RBM6: variants seen among roughly 807,000 people sequenced by gnomAD.
RBM6 encodes RNA binding motif protein 6.
RBM6 carries 23 observed loss-of-function variants against 140.4 expected under a neutral mutation model. That is an observed-to-expected ratio of 0.16 (90% CI 0.12 to 0.23). The LOEUF is 0.23. RBM6 is among the 10% of genes least tolerant of loss of function. The pLI, the probability that RBM6 is intolerant of heterozygous loss-of-function variation, is 1.00. For missense variants in RBM6, 1,139 were observed against 1,386.7 expected (o/e 0.82, Z 2.84); for synonymous variants, 439 against 475.6 (o/e 0.92, Z 1.00).
intron 5 of RBM6, among the ~76,000 whole-genome samples, chr3:49,997,750 T>C (rs1227289951): frequency 1.3e-5 from 2 of 152,228 alleles, no homozygotes; most frequent in Non-Finnish European, 2.9e-5. Flanking sequence ...CCCAAGAATA[T>C]TCAGAGCTGT....
chr3:50,074,068 A>G (rs1385637638), intron 19 of RBM6, among the ~76,000 whole-genome samples: 1 of 152,068 alleles, frequency 6.6e-6, no homozygotes, highest in Non-Finnish European at 1.5e-5. Context: ...ACCTCAGGTG[A>G]TCCACCCGCC....
At chr3:49,985,963 A>G (rs1397695190) in intron 5 of RBM6, among the ~76,000 whole-genome samples, 1 of 150,642 alleles carries the variant, frequency 6.6e-6, no homozygotes, top group Non-Finnish European at 1.5e-5. Context: ...ATGTATAGAA[A>G]ATGTTATATT....
intron 7 of RBM6, among the ~76,000 whole-genome samples, chr3:50,053,748 G>A (rs2108896985): frequency 6.6e-6 from 1 of 152,304 alleles, no homozygotes; most frequent in South Asian, 2.1e-4. Flanking sequence ...TGGGCAGTGT[G>A]CTTGACTTTT....
chr3:50,068,852 T>A (rs2090199326), intron 18 of RBM6, 88 bp downstream of exon 18: 1 of 1,200,954 alleles, frequency 8.3e-7, no homozygotes, highest in South Asian at 1.4e-5. Flanking sequence ...TCCCTCCTTA[T>A]AAGAAGATGG....
intron 1 of RBM6, among the ~76,000 whole-genome samples, chr3:49,941,473 T>C (rs2083276588): frequency 6.6e-6 from 1 of 151,598 alleles, no homozygotes; most frequent in Non-Finnish European, 1.5e-5. Flanking sequence ...AAACCGCGTC[T>C]CTACTAAAAG....
intron 18 of RBM6, among the ~76,000 whole-genome samples, chr3:50,069,449 A>T (rs962236456): frequency 6.0e-5 from 9 of 148,976 alleles, no homozygotes; most frequent in African/African-American, 2.2e-4. Context: ...CAGAGGTTGC[A>T]GTGAGCTGAG....
intron 7 of RBM6, chr3:50,054,128 CTTG>C: frequency 2.0e-6 from 1 of 500,364 alleles, no homozygotes; most frequent in Non-Finnish European, 3.5e-6. Context: ...TCCCAGATGC[CTTG>C]TTATAAGGTA....
In RBM6 at chr3:50,061,517, G is replaced by A. The variant is rs933153039; in HGVS notation, c.2409G>A (p.Leu803=). 9.3e-6 allele frequency: 15 copies of A among 1,606,314 alleles called. No homozygotes were observed. The highest frequency in any genetic ancestry group is 1.3e-5 in the Non-Finnish European group (15 of 1,178,564). ...DSATGYYYDP[L]AGTYYDPNTQ... ...CTACTGGCTACTATTATGACCCCTT[G>A]GCAGGAACTTATTATGACCCCAATA... is the stretch of plus-strand genomic sequence containing the variant. Residue 803 remains leucine (L), a synonymous_variant, in exon 14 of 21, where the codon TTG becomes TTA. Transcript: ENST00000266022.
intron 5 of RBM6, among the ~76,000 whole-genome samples, chr3:49,980,407 TA>T (rs1402388533): frequency 6.6e-6 from 1 of 152,066 alleles, no homozygotes; most frequent in African/African-American, 2.4e-5. Context: ...ATACTTGCTA[TA>T]AATGGAGAAG....
intron 6 of RBM6, among the ~76,000 whole-genome samples, chr3:50,043,980 T>A (rs1177422764): frequency 6.6e-6 from 1 of 151,526 alleles, no homozygotes; most frequent in Non-Finnish European, 1.5e-5. Flanking sequence ...ACCTCCCGGG[T>A]TCTAGCAATT....
chr3:49,941,606 C>T (rs909327897), intron 1 of RBM6, among the ~76,000 whole-genome samples: 1 of 135,972 alleles, frequency 7.4e-6, no homozygotes, highest in Non-Finnish European at 1.5e-5. Context: ...CTCCATTGCA[C>T]TCCAGCCTGG....
intron 3 of RBM6, 92 bp downstream of exon 3, chr3:49,968,840 GT>G: frequency 7.3e-7 from 1 of 1,379,002 alleles, no homozygotes; most frequent in Non-Finnish European, 9.5e-7. Flanking sequence ...GAGTGCAGTG[GT>G]GCGATCTCTG....
chr3:50,049,816 T>A (rs1185541046), intron 7 of RBM6, among the ~76,000 whole-genome samples: 1 of 143,420 alleles, frequency 7.0e-6, no homozygotes, highest in African/African-American at 2.6e-5. Flanking sequence ...CTTCACAATG[T>A]TGTGCAGCTA....
chr3:49,963,434 AT>A (rs2084372353), intron 2 of RBM6, among the ~76,000 whole-genome samples: 1 of 152,008 alleles, frequency 6.6e-6, no homozygotes, highest in African/African-American at 2.4e-5. Context: ...ATACCCAAAT[AT>A]TTTATTTCTT....
At chr3:49,993,641 C>G (rs1362707601) in intron 5 of RBM6, among the ~76,000 whole-genome samples, 5 of 145,818 alleles carry the variant, frequency 3.4e-5, no homozygotes, top group African/African-American at 1.3e-4. Context: ...GACTCTGTCT[C>G]AAAAGAAAAA....
intron 1 of RBM6, among the ~76,000 whole-genome samples, chr3:49,955,439 C>G (rs1190300582): frequency 2.0e-5 from 3 of 151,632 alleles, no homozygotes; most frequent in Non-Finnish European, 4.4e-5. Context: ...CTCTTGTTGC[C>G]CAGGCTGGAG....
chr3:49,997,997 T>C (rs1308502106), intron 5 of RBM6, among the ~76,000 whole-genome samples: 1 of 152,200 alleles, frequency 6.6e-6, no homozygotes, highest in Non-Finnish European at 1.5e-5. Flanking sequence ...GATTAGAAAA[T>C]CTATTTCTCA....
chr3:49,982,345 C>CCCTTG (rs2085348338), intron 5 of RBM6, among the ~76,000 whole-genome samples: 1 of 144,606 alleles, frequency 6.9e-6, no homozygotes, highest in Non-Finnish European at 1.5e-5. Context: ...TCCTGTCAAG[C>CCCTTG]AGTCCTCCCA....
intron 2 of RBM6, 142 bp downstream of exon 2, chr3:49,962,827 G>C: frequency 1.3e-6 from 1 of 789,784 alleles, no homozygotes. Context: ...GCTGGGCGCG[G>C]TGGCTCACGC....
Sources: allele counts gnomAD v4.1 joint callset (sites outside exome capture counted in the v4.1 genomes callset), GRCh38; gene constraint gnomAD v4.1.1; transcripts MANE v1.5; gene names NCBI Gene and HGNC (gene_info 2026-07-23, HGNC 2026-07-21).